The following PODN variants were observed in gnomAD, a reference collection of about 807,000 sequenced individuals.
PODN encodes the protein podocan proteoglycan.
Under a neutral mutation model 52.7 loss-of-function variants are expected in PODN, and 40 were observed. The observed-to-expected ratio is 0.76, with a 90% CI of 0.59 to 0.99. The LOEUF (loss-of-function observed/expected upper bound fraction) is 0.99, where lower values mean the gene tolerates loss of function less well. Among genes scored for constraint, PODN ranks in the 50% least tolerant of loss-of-function variants. The pLI, the probability that PODN is intolerant of heterozygous loss-of-function variation, is 0.00. For missense variants in PODN, 720 were observed against 815.1 expected (o/e 0.88, Z 1.42); for synonymous variants, 396 against 377.9 (o/e 1.05, Z -0.56).
rs373273066 is a variant in PODN at position 53,070,179 on chromosome 1, G to A, written c.312+12G>A. ...ACCTATCTCTGCAGGTGAGGTCGGCGTTGCACCTGTGGTCACGGGGGCTGT... is the reference window on the plus strand; with the variant it reads ...ACCTATCTCTGCAGGTGAGGTCGGCATTGCACCTGTGGTCACGGGGGCTGT... On this transcript the variant is annotated intron_variant, in intron 2 of 10. Transcript: ENST00000312553. 23 of 1,602,736 alleles carry A rather than the reference G, an allele frequency of 1.4e-5. No homozygotes were observed. Among genetic ancestry groups the A allele is most frequent in the South Asian group, 9.9e-5 (9 of 91,020 alleles).
At chr1:53,077,399 T>C (rs1280943968) in intron 6 of PODN, 53 bp downstream of exon 6, 1 of 1,599,660 alleles carries the variant, frequency 6.3e-7, no homozygotes, top group African/African-American at 1.3e-5. Flanking sequence ...GCCAGGGCAC[T>C]GGGGCAGGGG....
chr1:53,078,842 G>A lies in PODN; in HGVS notation c.1332G>A (p.Thr444=), dbSNP rs138433665. The change falls in exon 8 of 11, where the codon ACG becomes ACA. Residue 444 remains threonine, a synonymous_variant. Coordinates refer to ENST00000312553, the MANE Select transcript of PODN (RefSeq NM_153703.5). ...ACCTGTCGGGCAACCGGCTGCACAC[G>A]CTGCCACCTGGGCTGCCTCGAAATG... is the stretch of plus-strand genomic sequence containing the variant. ...SLDLSGNRLH[T]LPPGLPRNVH... is the part of the protein sequence containing the mutation. 1.3e-5 allele frequency: 21 copies of A among 1,612,738 alleles called. No individual in the cohort carries two copies. The highest frequency in any genetic ancestry group is 9.3e-5 in the African/African-American group (7 of 75,074).
rs762234027 is a variant in PODN, at chr1:53,078,619, C to T, written c.1109C>T (p.Ala370Val). 1.7e-5 allele frequency: 27 copies of T among 1,612,910 alleles called. No homozygotes were observed. The highest frequency in any genetic ancestry group is 2.0e-5 in the Non-Finnish European group (24 of 1,180,004). ...CACACGGTGCACCTGTACAACAACG[C>T]GCTGGAGCGCGTGCCCAGTGGCCTG... ...RLHTVHLYNNALERVPSGLPR... is the reference protein window; with the variant it reads ...RLHTVHLYNNVLERVPSGLPR... The change falls in exon 8 of 11, where the codon GCG (alanine) becomes GTG (valine). Residue 370 changes from alanine (A) to valine (V), a missense_variant. Transcript: ENST00000312553.
At chr1:53,081,518 G>A (rs553181416) in intron 9 of PODN, among the ~76,000 whole-genome samples, 5 of 152,202 alleles carry the variant, frequency 3.3e-5, no homozygotes, top group Non-Finnish European at 7.3e-5. Context: ...AGAGTGAGGG[G>A]CCTGAGATCA....
chr1:53,065,354 T>C lies in PODN; in HGVS notation c.-56+3046T>C, dbSNP rs535846986. Among the ~76,000 whole-genome samples, 12 of 139,434 alleles carry C rather than the reference T, an allele frequency of 8.6e-5. No homozygotes were observed. In the East Asian group the frequency reaches 9.8e-4, roughly 11 times the overall value. 91.5% of individuals were successfully genotyped at this position (139,434 alleles called of 152,430 possible). ...CTGGGTAACAGAGGGAGACCCTGTC[T>C]CAAAAAAAAAAAAGAAAGTTGGAAA... On this transcript the variant is annotated intron_variant, in intron 1 of 10. Coordinates refer to ENST00000312553, the MANE Select transcript of PODN (RefSeq NM_153703.5).
intron 5 of PODN, 115 bp from the exon 6 acceptor site, chr1:53,077,075 C>T (rs1644204541): frequency 1.5e-6 from 2 of 1,317,310 alleles, no homozygotes; most frequent in Non-Finnish European, 2.1e-6. Context: ...AACTCTGTAC[C>T]CTTGAGTTTG....
At position 53,078,889 on chromosome 1, in the gene PODN, G is replaced by T; in HGVS notation, c.1379G>T (p.Arg460Leu). 3.1e-6 allele frequency: 5 copies of T among 1,610,870 alleles called. No individual in the cohort carries two copies. The highest frequency in any genetic ancestry group is 4.2e-6 in the Non-Finnish European group (5 of 1,178,884). ...AATGTCCATGTGCTGAAGGTCAAGC[G>T]CAATGAGCTGGCTGCCTTGGCACGA... ...PRNVHVLKVKRNELAALARGA... is the reference protein window; with the variant it reads ...PRNVHVLKVKLNELAALARGA... Residue 460 changes from arginine to leucine, a missense_variant, in exon 8 of 11, where the codon CGC (arginine) becomes CTC (leucine). Physicochemically the swap from Arg to Leu is moderately radical, Grantham distance 102. Coordinates refer to ENST00000312553, the MANE Select transcript of PODN (RefSeq NM_153703.5).
Position 53,078,956 on chromosome 1 carries a change from C to T in PODN, c.1446C>T (p.Leu482=). ...VGMAQLRELY[L]TSNRLRSRAL... is the part of the protein sequence containing the mutation. ...TGGCTCAGCTGCGTGAGCTGTACCT[C>T]ACCAGCAACCGACTGCGCAGCCGAG... is the stretch of plus-strand genomic sequence containing the variant. Residue 482 remains leucine, a synonymous_variant, in exon 8 of 11, where the codon CTC becomes CTT. Coordinates refer to ENST00000312553, the MANE Select transcript of PODN (RefSeq NM_153703.5). 6.3e-7 allele frequency: 1 copy of T among 1,582,694 alleles called. No individual in the cohort carries two copies. The highest frequency in any genetic ancestry group is 1.8e-5 in the Admixed American group (1 of 55,906).
rs1464162240 is a variant in PODN at position 53,078,682 on chromosome 1, A to G, written c.1172A>G (p.Gln391Arg). 2 of 1,613,218 alleles carry G rather than the reference A, an allele frequency of 1.2e-6. No individual in the cohort carries two copies. The highest frequency in any genetic ancestry group is 1.7e-6 in the Non-Finnish European group (2 of 1,179,990). The change falls in exon 8 of 11, where the codon CAG becomes CGG. Residue 391 changes from glutamine to arginine, a missense_variant. By Grantham distance (43) the Gln-to-Arg change is conservative (BLOSUM62 1). Transcript: ENST00000312553. ...RVRTLMILHN[Q>R]ITGIGREDFA... ...CGCACCCTCATGATCCTGCACAACC[A>G]GATCACAGGCATTGGCCGCGAAGAC...
intron 5 of PODN, 79 bp downstream of exon 5, chr1:53,076,050 C>T: frequency 8.1e-7 from 1 of 1,228,122 alleles, no homozygotes; most frequent in Non-Finnish European, 1.2e-6. Flanking sequence ...CTGTGTGAGG[C>T]AGAGACAGGT....
intron 3 of PODN, among the ~76,000 whole-genome samples, chr1:53,072,042 A>G (rs1644127409): frequency 6.6e-6 from 1 of 151,496 alleles, no homozygotes; most frequent in Admixed American, 6.6e-5. Flanking sequence ...ATTACAGGTC[A>G]TTTGTTTAGT....
intron 3 of PODN, 61 bp from the exon 4 acceptor site, chr1:53,074,545 G>T: frequency 6.3e-7 from 1 of 1,595,356 alleles, no homozygotes. Flanking sequence ...GTGGGCGCTT[G>T]CTGTGCTTCC....
intron 1 of PODN, chr1:53,063,454 C>G: frequency 1.0e-6 from 1 of 985,562 alleles, no homozygotes; most frequent in Non-Finnish European, 1.2e-6. Context: ...CGTCCCCTAT[C>G]CCTCCTTTAT....
At chr1:53,067,725 G>A (rs1038884973) in intron 1 of PODN, among the ~76,000 whole-genome samples, 7 of 151,968 alleles carry the variant, frequency 4.6e-5, no homozygotes, top group Admixed American at 6.6e-5. Context: ...GAGACCACCC[G>A]GGCAACATAG....
chr1:53,081,726 A>T (rs1331017401), intron 9 of PODN, among the ~76,000 whole-genome samples: 1 of 152,158 alleles, frequency 6.6e-6, no homozygotes, highest in Non-Finnish European at 1.5e-5. Flanking sequence ...TAGCAGTGAG[A>T]GTGTGCGCAG....
Position 53,064,938 on chromosome 1 carries a change from G to A in PODN, c.-56+2630G>A, listed in dbSNP as rs1019858113. Among the ~76,000 whole-genome samples, 4 of 152,202 alleles carry A rather than the reference G, an allele frequency of 2.6e-5. No individual in the cohort carries two copies. In the South Asian group the frequency reaches 6.2e-4, roughly 24 times the overall value. The stretch of plus-strand genomic sequence containing the variant: ...CTGGCTGAGCTTCCCCGCTGTCCAG[G>A]GGTTTGAGATGTTCCTCACCAGGTG... On this transcript the variant is annotated intron_variant, in intron 1 of 10. Transcript: ENST00000312553.
chr1:53,081,805 C>T (rs994559282), intron 9 of PODN, among the ~76,000 whole-genome samples, 176 bp from the exon 10 acceptor site: 3 of 152,202 alleles, frequency 2.0e-5, no homozygotes, highest in Admixed American at 1.3e-4. Flanking sequence ...CTGCCCTGAC[C>T]GGCCTGTACC....
chr1:53,073,682 A>G (rs556769664), intron 3 of PODN: 4 of 152,340 alleles, frequency 2.6e-5, no homozygotes, highest in Admixed American at 2.6e-4. Context: ...GAAAGAGAAA[A>G]TTTCTCATAA....
In PODN at chr1:53,069,835, T is replaced by C. The variant is rs928569808; in HGVS notation, c.-21T>C. ...GCCCTGGCGCCCAGGCGCATCTGAC[T>C]CGGCACCCCCTGCAGGCACCATGGC... On this transcript the variant is annotated 5_prime_UTR_variant, in exon 2 of 11. Coordinates refer to ENST00000312553, the MANE Select transcript of PODN (RefSeq NM_153703.5). 7.0e-6 allele frequency: 11 copies of C among 1,580,996 alleles called. No homozygotes were observed. Among genetic ancestry groups the C allele is most frequent in the Non-Finnish European group, 8.6e-6 (10 of 1,164,120 alleles).
Sources: gnomAD v4.1 joint callset for allele counts (sites outside exome capture counted in the v4.1 genomes callset) on GRCh38, gnomAD v4.1.1 for gene constraint, MANE v1.5 for transcripts, NCBI Gene and HGNC (gene_info 2026-07-23, HGNC 2026-07-21) for gene names.